The following SOX6 variants were observed in gnomAD, a reference collection of about 807,000 sequenced individuals.
SOX6 encodes transcription factor SOX-6.
SOX6 carries 11 observed loss-of-function variants against 97.8 expected under a neutral mutation model. The ratio of observed to expected loss-of-function variants is 0.11; its 90% CI spans 0.07 to 0.19. The LOEUF (loss-of-function observed/expected upper bound fraction) is 0.19, where lower values mean the gene tolerates loss of function less well. Ranked by LOEUF, SOX6 falls within the 10% of genes least tolerant of loss-of-function variation. The pLI is 1.00. For missense variants in SOX6, 810 were observed against 1,039.5 expected (o/e 0.78, Z 3.04); for synonymous variants, 360 against 371.4 (o/e 0.97, Z 0.35).
At chr11:16,113,802 A>C (rs1849283646) in intron 6 of SOX6, among the ~76,000 whole-genome samples, 1 of 152,156 alleles carries the variant, frequency 6.6e-6, no homozygotes, top group Admixed American at 6.6e-5. Flanking sequence ...GTTATTACTG[A>C]GAAGTAGCTG....
At chr11:16,721,780 A>G (rs932357874) in intron 2 of SOX6, among the ~76,000 whole-genome samples, 1 of 151,504 alleles carries the variant, frequency 6.6e-6, no homozygotes, top group African/African-American at 2.4e-5. Flanking sequence ...TGTTTTCTTC[A>G]TTAATTACCC....
intron 1 of SOX6, among the ~76,000 whole-genome samples, chr11:16,409,344 G>A (rs1450634928): frequency 6.7e-6 from 1 of 149,778 alleles, no homozygotes; most frequent in Non-Finnish European, 1.5e-5. Context: ...TTGGGTTTAT[G>A]TTTCAAAATT....
At chr11:16,269,604 A>G (rs577365106) in intron 3 of SOX6, among the ~76,000 whole-genome samples, 2 of 150,904 alleles carry the variant, frequency 1.3e-5, no homozygotes, top group Non-Finnish European at 3.0e-5. Context: ...CAGATGTACT[A>G]CTGTGTCTTT....
At chr11:16,297,331 T>C (rs1855124816) in intron 3 of SOX6, among the ~76,000 whole-genome samples, 1 of 152,152 alleles carries the variant, frequency 6.6e-6, no homozygotes, top group Non-Finnish European at 1.5e-5. Context: ...CACCAAATAA[T>C]ACTTCACTGA....
intron 6 of SOX6, among the ~76,000 whole-genome samples, chr11:16,135,936 C>T (rs1237687248): frequency 6.6e-6 from 1 of 152,188 alleles, no homozygotes; most frequent in Non-Finnish European, 1.5e-5. Flanking sequence ...GCTACCCAAT[C>T]TTTAACAACC....
At chr11:16,369,918 T>A (rs542410455) in intron 1 of SOX6, among the ~76,000 whole-genome samples, 5 of 152,214 alleles carry the variant, frequency 3.3e-5, no homozygotes, top group Non-Finnish European at 5.9e-5. Flanking sequence ...CTGTCCATCA[T>A]CCCTCCAGCA....
At chr11:16,525,295 T>C (rs935429831) in intron 4 of SOX6, among the ~76,000 whole-genome samples, 1 of 151,354 alleles carries the variant, frequency 6.6e-6, no homozygotes, top group Non-Finnish European at 1.5e-5. Flanking sequence ...TATAGATCAA[T>C]GGAACAGAAC....
chr11:16,290,283 T>C (rs1854877123), intron 3 of SOX6, among the ~76,000 whole-genome samples: 1 of 152,068 alleles, frequency 6.6e-6, no homozygotes, highest in African/African-American at 2.4e-5. Flanking sequence ...GTTTTCTTAG[T>C]TGGTGAATTA....
intron 4 of SOX6, among the ~76,000 whole-genome samples, chr11:16,221,712 G>T (rs1057352865): frequency 9.2e-5 from 14 of 152,112 alleles, no homozygotes; most frequent in African/African-American, 2.7e-4. Flanking sequence ...GCCATCAAGA[G>T]CATGACAGTT....
chr11:16,521,426 T>A (rs1445529806), intron 4 of SOX6, among the ~76,000 whole-genome samples: 1 of 152,180 alleles, frequency 6.6e-6, no homozygotes, highest in Non-Finnish European at 1.5e-5. Flanking sequence ...GGGTCCTGTC[T>A]GTTAGAAAGA....
intron 3 of SOX6, among the ~76,000 whole-genome samples, chr11:16,612,597 TG>T (rs1013023091): frequency 7.3e-6 from 1 of 137,468 alleles, no homozygotes; most frequent in Non-Finnish European, 1.6e-5. Flanking sequence ...GGGTTGGGAG[TG>T]GGGGGATGGC....
At chr11:16,466,930 CAAAAAAAA>C (rs764424447) in intron 1 of SOX6, among the ~76,000 whole-genome samples, 1 of 41,544 alleles carries the variant, frequency 2.4e-5, no homozygotes, top group African/African-American at 8.8e-5. Context: ...GACTCCGTCT[CAAAAAAAA>C]AAAAAAAAAA....
At chr11:16,736,498 G>A (rs1848392346) in intron 1 of SOX6, 6 of 152,156 alleles carry the variant, frequency 3.9e-5, no homozygotes, top group Admixed American at 3.9e-4. Flanking sequence ...AAGACATGTT[G>A]CTAGCTCATT....
chr11:16,029,084 T>C (rs529930948), intron 12 of SOX6, among the ~76,000 whole-genome samples: 1 of 152,304 alleles, frequency 6.6e-6, no homozygotes, highest in South Asian at 2.1e-4. Context: ...AAATGTGGAC[T>C]CTGAATTCCT....
intron 10 of SOX6, among the ~76,000 whole-genome samples, chr11:16,052,126 A>G (rs1847701519): frequency 6.6e-6 from 1 of 152,040 alleles, no homozygotes; most frequent in African/African-American, 2.4e-5. Flanking sequence ...TTTAACTTTG[A>G]AATACTCTAA....
intron 1 of SOX6, among the ~76,000 whole-genome samples, chr11:16,352,935 A>T (rs893175003): frequency 2.0e-5 from 3 of 152,070 alleles, no homozygotes; most frequent in African/African-American, 7.2e-5. Context: ...AAAGCTACTG[A>T]CACACAAGGC....
intron 6 of SOX6, among the ~76,000 whole-genome samples, chr11:16,167,536 G>C: frequency 6.6e-6 from 1 of 152,110 alleles, no homozygotes; most frequent in East Asian, 1.9e-4. Context: ...CGATGTAAAA[G>C]ATCATCTGTG....
At chr11:16,499,794 G>A (rs1193036719) in intron 4 of SOX6, among the ~76,000 whole-genome samples, 1 of 152,088 alleles carries the variant, frequency 6.6e-6, no homozygotes, top group African/African-American at 2.4e-5. Context: ...CCAATAACAG[G>A]CTCTGAAATT....
intron 1 of SOX6, among the ~76,000 whole-genome samples, chr11:16,432,137 A>T (rs1000562846): frequency 6.6e-6 from 1 of 151,950 alleles, no homozygotes; most frequent in Non-Finnish European, 1.5e-5. Flanking sequence ...CCATCCTTCT[A>T]CTCCTACTAA....
Sources: gnomAD v4.1 joint callset for allele counts (sites outside exome capture counted in the v4.1 genomes callset) on GRCh38, gnomAD v4.1.1 for gene constraint, MANE v1.5 for transcripts, NCBI Gene and HGNC (gene_info 2026-07-23, HGNC 2026-07-21) for gene names.